Variants in RGS7 observed in about 807,000 individuals in gnomAD.
The protein encoded by RGS7 is regulator of G-protein signaling 7.
Under a neutral mutation model 81.1 loss-of-function variants are expected in RGS7, and 27 were observed. The observed-to-expected ratio is 0.33, with a 90% CI of 0.25 to 0.46. The LOEUF (loss-of-function observed/expected upper bound fraction) is 0.46. Among genes scored for constraint, RGS7 ranks in the 20% least tolerant of loss-of-function variants. RGS7 has a pLI of 1.00. For synonymous variants in RGS7, 208 were observed against 207.7 expected (o/e 1.00, Z -0.01); for missense variants, 396 against 607.4 (o/e 0.65, Z 3.66).
At chr1:241,270,758 C>A (rs1251023286) in intron 2 of RGS7, among the ~76,000 whole-genome samples, 1 of 151,616 alleles carries the variant, frequency 6.6e-6, no homozygotes, top group Non-Finnish European at 1.5e-5. Flanking sequence ...TAAACCCCCC[C>A]CCCTTTTTTT....
intron 2 of RGS7, among the ~76,000 whole-genome samples, chr1:241,157,979 G>A (rs562124832): frequency 6.6e-6 from 1 of 151,396 alleles, no homozygotes; most frequent in Non-Finnish European, 1.5e-5. Flanking sequence ...ACCACGCCTG[G>A]CTAATTTTTT....
At chr1:240,986,254 AAAAC>A (rs969746651) in intron 3 of RGS7, among the ~76,000 whole-genome samples, 16 of 152,156 alleles carry the variant, frequency 1.1e-4, no homozygotes, top group Admixed American at 1.0e-3. Context: ...AAAACAAGCA[AAAAC>A]AAACAAGCAG....
chr1:241,356,059 C>T (rs943906637), intron 1 of RGS7, among the ~76,000 whole-genome samples: 3 of 152,208 alleles, frequency 2.0e-5, no homozygotes, highest in Non-Finnish European at 2.9e-5. Context: ...ATTGTTTTAG[C>T]TGACTTCATT....
intron 4 of RGS7, among the ~76,000 whole-genome samples, chr1:240,942,847 T>A (rs1341193168): frequency 6.6e-6 from 1 of 152,208 alleles, no homozygotes; most frequent in Non-Finnish European, 1.5e-5. Flanking sequence ...TTTGGAAAGG[T>A]AAGATTATTC....
chr1:241,162,666 C>T (rs766666267), intron 2 of RGS7, among the ~76,000 whole-genome samples: 2 of 152,220 alleles, frequency 1.3e-5, no homozygotes, highest in Admixed American at 6.5e-5. Context: ...CCCACTTCTA[C>T]CCCTTGGCCA....
At chr1:241,140,506 T>C (rs2067850654) in intron 2 of RGS7, among the ~76,000 whole-genome samples, 1 of 152,178 alleles carries the variant, frequency 6.6e-6, no homozygotes. Flanking sequence ...TGGACTCAAG[T>C]GATGCTTCCG....
At chr1:240,779,018 G>C (rs1160530759) in intron 18 of RGS7, among the ~76,000 whole-genome samples, 4 of 152,080 alleles carry the variant, frequency 2.6e-5, no homozygotes, top group Non-Finnish European at 5.9e-5. Flanking sequence ...TTACTCCCCA[G>C]TGTGATGCTA....
At chr1:241,077,043 A>G (rs1237745937) in intron 3 of RGS7, among the ~76,000 whole-genome samples, 1 of 152,126 alleles carries the variant, frequency 6.6e-6, no homozygotes, top group Non-Finnish European at 1.5e-5. Flanking sequence ...GTCAAAACAA[A>G]CCCTCTTATA....
intron 5 of RGS7, among the ~76,000 whole-genome samples, chr1:240,933,318 T>C (rs1676028494): frequency 6.6e-6 from 1 of 152,038 alleles, no homozygotes; most frequent in Non-Finnish European, 1.5e-5. Context: ...ATACCTATTC[T>C]ACTCAGACAA....
In RGS7 at chr1:241,355,789, T is replaced by C. The variant is rs375224418; in HGVS notation, c.-13A>G. On this transcript the variant is annotated 5_prime_UTR_variant, in exon 2 of 19. Transcript: ENST00000440928. ...TCCCCTGGGCCATGTCACCCAAAACTTGGTCCACTCTCAAGATACAAGAAT... is the reference window on the plus strand; with the variant it reads ...TCCCCTGGGCCATGTCACCCAAAACCTGGTCCACTCTCAAGATACAAGAAT... 9.3e-6 allele frequency: 15 copies of C among 1,612,480 alleles called. No homozygotes were observed. In the African/African-American group the frequency reaches 1.9e-4, roughly 20 times the overall value.
At chr1:241,112,639 T>A (rs561810045) in intron 2 of RGS7, among the ~76,000 whole-genome samples, 63 of 152,314 alleles carry the variant, frequency 4.1e-4, no homozygotes, top group African/African-American at 1.3e-3. Context: ...GAATCTGACC[T>A]TTTTCTCTGT....
chr1:241,330,110 T>C (rs1282642273), intron 2 of RGS7, among the ~76,000 whole-genome samples: 2 of 152,164 alleles, frequency 1.3e-5, no homozygotes, highest in Admixed American at 1.3e-4. Flanking sequence ...CGGATAATTT[T>C]TTGTATTTTT....
chr1:241,074,461 A>C (rs1478786869), intron 3 of RGS7, among the ~76,000 whole-genome samples: 1 of 152,190 alleles, frequency 6.6e-6, no homozygotes, highest in Non-Finnish European at 1.5e-5. Context: ...AGGAAGTGGG[A>C]ATTTAATGTC....
At chr1:240,788,532 A>T (rs2102998953) in intron 18 of RGS7, among the ~76,000 whole-genome samples, 1 of 152,304 alleles carries the variant, frequency 6.6e-6, no homozygotes, top group Middle Eastern at 3.4e-3. Context: ...CTTGAATTGG[A>T]TCCATCAGAA....
intron 9 of RGS7, among the ~76,000 whole-genome samples, chr1:240,829,065 C>T (rs902125485): frequency 1.3e-5 from 2 of 152,084 alleles, no homozygotes; most frequent in Non-Finnish European, 2.9e-5. Flanking sequence ...CCTTAAAGAA[C>T]CATCTCCTGC....
intron 6 of RGS7, among the ~76,000 whole-genome samples, chr1:240,921,392 G>T (rs116326469): frequency 2.0e-5 from 3 of 151,852 alleles, no homozygotes; most frequent in East Asian, 3.9e-4. Context: ...GTCCCCTCTC[G>T]CTACTCCTAT....
chr1:241,009,937 G>GA (rs1459179175), intron 3 of RGS7, among the ~76,000 whole-genome samples: 1 of 152,064 alleles, frequency 6.6e-6, no homozygotes, highest in Non-Finnish European at 1.5e-5. Context: ...CACAAGGACA[G>GA]AAAACCAAAC....
intron 9 of RGS7, among the ~76,000 whole-genome samples, chr1:240,848,340 A>G (rs1296815880): frequency 6.6e-6 from 1 of 152,156 alleles, no homozygotes; most frequent in Non-Finnish European, 1.5e-5. Flanking sequence ...TTGGTGTCCT[A>G]TTGTTATCTT....
chr1:240,798,221 A>T (rs528513918), intron 18 of RGS7, among the ~76,000 whole-genome samples: 69 of 152,324 alleles, frequency 4.5e-4, no homozygotes, highest in Middle Eastern at 3.4e-3. Flanking sequence ...GGAAAATTGA[A>T]AGTGCAATGC....
Sources: gnomAD v4.1 joint callset for allele counts (sites outside exome capture counted in the v4.1 genomes callset) on GRCh38, gnomAD v4.1.1 for gene constraint, MANE v1.5 for transcripts, NCBI Gene and HGNC (gene_info 2026-07-23, HGNC 2026-07-21) for gene names.